Variants in VCL observed in about 807,000 individuals in gnomAD.
The protein encoded by VCL is vinculin.
VCL carries 47 observed loss-of-function variants against 125.7 expected under a neutral mutation model. The observed-to-expected ratio is 0.37, with a 90% CI of 0.30 to 0.48. The LOEUF is 0.48. VCL is among the 20% of genes least tolerant of loss of function. The pLI is 0.99. For missense variants in VCL, 1,069 were observed against 1,455.5 expected, an observed-to-expected ratio of 0.73 and a Z score of 4.32; for synonymous variants, 458 against 514.6, an observed-to-expected ratio of 0.89 and a Z score of 1.49.
chr10:74,019,097 G>C (rs781122473), intron 1 of VCL, among the ~76,000 whole-genome samples: 4 of 152,116 alleles, frequency 2.6e-5, no homozygotes, highest in Non-Finnish European at 4.4e-5. Context: ...TTTGTGATCT[G>C]TTGCTGTTTC....
chr10:74,022,575 GATAA>G (rs112373013), intron 1 of VCL, among the ~76,000 whole-genome samples: 3,399 of 121,022 alleles, frequency 0.028, 82 homozygotes, highest in African/African-American at 0.076. Flanking sequence ...TAAGAATAAA[GATAA>G]ATAAATAAAT....
Position 74,043,066 on chromosome 10 carries a change from T to C in VCL, c.169-17T>C. On this transcript the variant is annotated splice_polypyrimidine_tract_variant and intron_variant, in intron 1 of 21. Transcript: ENST00000211998. ...TGAGAATTTATATTTGAATTATGATTTTTTTTCCTCTTGTAGGTTGGAAAA... is the reference window on the plus strand; with the variant it reads ...TGAGAATTTATATTTGAATTATGATCTTTTTTCCTCTTGTAGGTTGGAAAA... The C allele has an allele frequency of 6.2e-7, 1 of 1,609,630 alleles. No individual in the cohort carries two copies. The highest frequency in any genetic ancestry group is 8.5e-7 in the Non-Finnish European group (1 of 1,176,630).
Position 74,065,707 on chromosome 10 carries a change from C to G in VCL, c.240-4963C>G, listed in dbSNP as rs533744104. On this transcript the variant is annotated intron_variant, in intron 2 of 21. Transcript: ENST00000211998. ...TCAAAAAAAAAAAAGAAAAAAAAAG[C>G]AAGTTAAATTCACAATAGTTTATCG... Among the ~76,000 whole-genome samples the G allele has an allele frequency of 2.5e-4, 38 of 150,614 alleles. No individual in the cohort carries two copies. In the South Asian group the frequency reaches 4.8e-3, roughly 19 times the overall value.
chr10:74,017,541 T>TTTTC (rs200985078), intron 1 of VCL, among the ~76,000 whole-genome samples: 4 of 149,698 alleles, frequency 2.7e-5, no homozygotes, highest in Non-Finnish European at 4.4e-5. Context: ...TGCTGCTGCT[T>TTTTC]TTTCTTTCTT....
chr10:74,031,756 A>G (rs1454415235), intron 1 of VCL, among the ~76,000 whole-genome samples: 1 of 151,890 alleles, frequency 6.6e-6, no homozygotes, highest in Non-Finnish European at 1.5e-5. Context: ...CTGTCTCTAC[A>G]AAAAATACTA....
chr10:74,073,201 A>G (rs1303636658), intron 5 of VCL, among the ~76,000 whole-genome samples: 1 of 152,028 alleles, frequency 6.6e-6, no homozygotes, highest in Non-Finnish European at 1.5e-5. Flanking sequence ...AGCCTCCCAG[A>G]GTGCTGGGAT....
At chr10:74,031,716 C>T (rs137960173) in intron 1 of VCL, among the ~76,000 whole-genome samples, 18 of 152,016 alleles carry the variant, frequency 1.2e-4, no homozygotes, top group Non-Finnish European at 2.2e-4. Context: ...CCCAGAAGTT[C>T]GAGATCAGCC....
intron 1 of VCL, among the ~76,000 whole-genome samples, chr10:74,014,296 A>G (rs1163474937): frequency 1.3e-5 from 2 of 152,054 alleles, no homozygotes; most frequent in Non-Finnish European, 1.5e-5. Context: ...CAATGGCTCA[A>G]TCTCGGCTCA....
At chr10:74,025,060 C>G (rs1440677805) in intron 1 of VCL, among the ~76,000 whole-genome samples, 2 of 152,274 alleles carry the variant, frequency 1.3e-5, no homozygotes, top group East Asian at 1.9e-4. Flanking sequence ...AAGTCTTGCT[C>G]TGTCACCCAG....
chr10:74,061,805 T>C (rs1841483452), intron 2 of VCL, among the ~76,000 whole-genome samples: 1 of 152,276 alleles, frequency 6.6e-6, no homozygotes, highest in East Asian at 1.9e-4. Flanking sequence ...TGCTAGTAAT[T>C]CACAGTGTAT....
At chr10:74,062,428 A>G (rs1360840878) in intron 2 of VCL, among the ~76,000 whole-genome samples, 1 of 141,032 alleles carries the variant, frequency 7.1e-6, no homozygotes, top group Admixed American at 7.2e-5. Context: ...CTGGCCTTGA[A>G]CTCCTGGCCT....
rs777722727 is a variant in VCL at position 74,083,440 on chromosome 10, G to C, written c.949G>C (p.Glu317Gln). The C allele has an allele frequency of 2.5e-6, 4 of 1,614,158 alleles. No homozygotes were observed. The highest frequency in any genetic ancestry group is 8.5e-7 in the Non-Finnish European group (1 of 1,180,000). ...AGTTGGTGAACTCTGTGCAGGCAAA[G>C]AACGCAGGGAGATTCTGGGAACTTG... ...GKVGELCAGK[E>Q]RREILGTCKM... is the part of the protein sequence containing the mutation. The change falls in exon 8 of 22, where the codon GAA becomes CAA. Residue 317 changes from glutamate (E) to glutamine (Q), a missense_variant. Around this residue, in one of 6 missense-constraint regions of VCL, gnomAD observed 760 missense variants for 928.9 expected, o/e 0.82. Coordinates refer to ENST00000211998, the MANE Select transcript of VCL (RefSeq NM_014000.3).
At chr10:74,002,132 C>CT (rs972538036) in intron 1 of VCL, among the ~76,000 whole-genome samples, 6 of 151,974 alleles carry the variant, frequency 3.9e-5, no homozygotes, top group East Asian at 1.9e-4. Context: ...AATTGGAAGT[C>CT]TTTTTTTTCT....
intron 2 of VCL, among the ~76,000 whole-genome samples, chr10:74,069,065 C>A (rs112060806): frequency 2.1e-5 from 3 of 145,896 alleles, no homozygotes; most frequent in Admixed American, 6.8e-5. Context: ...TTTGTTTGTT[C>A]GTTTGTTTTG....
At chr10:74,072,942 T>A in intron 5 of VCL, 90 bp downstream of exon 5, 3 of 1,572,072 alleles carry the variant, frequency 1.9e-6, no homozygotes, top group Non-Finnish European at 2.6e-6. Context: ...TTTGTTTTCT[T>A]TTCTTTTTTT....
intron 1 of VCL, among the ~76,000 whole-genome samples, chr10:74,009,889 T>C (rs982649341): frequency 3.3e-5 from 5 of 151,848 alleles, no homozygotes; most frequent in African/African-American, 9.7e-5. Flanking sequence ...ATTACAGGCA[T>C]GAACCACTGC....
At chr10:74,019,438 T>C (rs1462343531) in intron 1 of VCL, among the ~76,000 whole-genome samples, 1 of 151,918 alleles carries the variant, frequency 6.6e-6, no homozygotes, top group Non-Finnish European at 1.5e-5. Flanking sequence ...CAGTGTGTGA[T>C]GTTCCCCTCC....
chr10:74,106,591 T>C (rs1454341841), intron 16 of VCL, among the ~76,000 whole-genome samples: 3 of 152,164 alleles, frequency 2.0e-5, no homozygotes, highest in African/African-American at 7.2e-5. Context: ...TGTCTATGAG[T>C]AGAATGCAGT....
Position 74,043,142 on chromosome 10 carries a change from A to T in VCL, c.228A>T (p.Pro76=), listed in dbSNP as rs1273519420. Residue 76 remains proline, a synonymous_variant, in exon 2 of 22, where the codon CCA becomes CCT. Coordinates refer to ENST00000211998, the MANE Select transcript of VCL (RefSeq NM_014000.3). The part of the protein sequence containing the change: ...EDQILKRDMP[P]AFIKVENACT... ...AGATTTTGAAGAGAGATATGCCACC[A>T]GCATTTATTAAGTGAGTAATTGAAA... 1 of 1,613,116 alleles carries T rather than the reference A, an allele frequency of 6.2e-7. No individual in the cohort carries two copies. Among genetic ancestry groups the T allele is most frequent in the Non-Finnish European group, 8.5e-7 (1 of 1,179,456 alleles).
Sources: gnomAD v4.1 joint callset for allele counts (sites outside exome capture counted in the v4.1 genomes callset) on GRCh38, gnomAD v4.1.1 for gene constraint, gnomAD v4.1.1 regional missense constraint, MANE v1.5 for transcripts, NCBI Gene and HGNC (gene_info 2026-07-23, HGNC 2026-07-21) for gene names.